Variants in PTPRD observed in about 807,000 individuals in gnomAD.
PTPRD encodes protein tyrosine phosphatase receptor type D.
In PTPRD, 34 loss-of-function variants were observed where a neutral mutation model predicts 214.5. That is an observed-to-expected ratio of 0.16 (90% confidence interval 0.12 to 0.21). PTPRD has a LOEUF of 0.21. Ranked by LOEUF, PTPRD falls within the 10% of genes least tolerant of loss-of-function variation. PTPRD has a pLI of 1.00. For missense variants in PTPRD, 2,545 were observed against 2,398.7 expected, an observed-to-expected ratio of 1.06 and a Z score of -1.27; for synonymous variants, 1,128 against 845.7, an observed-to-expected ratio of 1.33 and a Z score of -5.79.
chr9:9,058,335 T>A (rs918172312), intron 10 of PTPRD, among the ~76,000 whole-genome samples: 12 of 151,916 alleles, frequency 7.9e-5, no homozygotes, highest in African/African-American at 2.9e-4. Flanking sequence ...TTGCTTCTGA[T>A]TTGTGTGAAT....
chr9:8,585,043 G>C (rs114583348), intron 14 of PTPRD, among the ~76,000 whole-genome samples: 1 of 152,110 alleles, frequency 6.6e-6, no homozygotes, highest in African/African-American at 2.4e-5. Context: ...GTGGGGATTA[G>C]GGGAACTACA....
intron 12 of PTPRD, among the ~76,000 whole-genome samples, chr9:8,643,354 G>C (rs1369773779): frequency 6.6e-6 from 1 of 152,016 alleles, no homozygotes; most frequent in East Asian, 1.9e-4. Flanking sequence ...GGAAGGGAGG[G>C]AGGGAAGGAA....
chr9:9,902,354 C>G (rs1466133524), intron 5 of PTPRD, among the ~76,000 whole-genome samples: 1 of 151,982 alleles, frequency 6.6e-6, no homozygotes, highest in Non-Finnish European at 1.5e-5. Flanking sequence ...TTTTAGTTTC[C>G]CATACCATTA....
At chr9:10,503,202 A>AAAAC (rs2044430859) in intron 2 of PTPRD, among the ~76,000 whole-genome samples, 2 of 133,050 alleles carry the variant, frequency 1.5e-5, no homozygotes, top group African/African-American at 6.8e-5. Flanking sequence ...ACAAAAAAAA[A>AAAAC]AAAAACAAAA....
chr9:10,234,331 C>T (rs1028473228), intron 3 of PTPRD, among the ~76,000 whole-genome samples: 33 of 151,788 alleles, frequency 2.2e-4, no homozygotes, highest in Admixed American at 6.6e-4. Context: ...CAGAGATCTG[C>T]GGAACACATA....
At chr9:9,935,333 CGT>C (rs2088785257) in intron 5 of PTPRD, among the ~76,000 whole-genome samples, 3 of 152,162 alleles carry the variant, frequency 2.0e-5, no homozygotes, top group African/African-American at 2.4e-5. Flanking sequence ...ACCCCATCAT[CGT>C]CTCAGCCCAA....
chr9:8,344,355 C>T (rs1297728338), intron 39 of PTPRD, among the ~76,000 whole-genome samples: 1 of 151,908 alleles, frequency 6.6e-6, no homozygotes, highest in Admixed American at 6.6e-5. Context: ...CTGGATGATG[C>T]ATGGTTCTAT....
At chr9:10,542,877 C>T (rs931112108) in intron 2 of PTPRD, among the ~76,000 whole-genome samples, 4 of 151,470 alleles carry the variant, frequency 2.6e-5, no homozygotes, top group Non-Finnish European at 5.9e-5. Context: ...CACTACCACG[C>T]CAGGCTAATT....
intron 8 of PTPRD, among the ~76,000 whole-genome samples, chr9:9,446,704 G>T (rs781642285): frequency 6.6e-6 from 1 of 152,192 alleles, no homozygotes; most frequent in Middle Eastern, 3.4e-3. Flanking sequence ...ACAGCAAAAG[G>T]AATGGTCAAT....
At chr9:9,740,563 G>A (rs1288873516) in intron 6 of PTPRD, among the ~76,000 whole-genome samples, 1 of 151,842 alleles carries the variant, frequency 6.6e-6, no homozygotes, top group Non-Finnish European at 1.5e-5. Context: ...GGGTTTCACC[G>A]TGTTAGCCAG....
At chr9:10,239,181 A>G (rs2890914) in intron 3 of PTPRD, among the ~76,000 whole-genome samples, 64,762 of 151,516 alleles carry the variant, frequency 0.43, 14,874 homozygotes, top group East Asian at 0.61. Flanking sequence ...TCTTAGAGAG[A>G]CTTTCCTTTA....
intron 3 of PTPRD, among the ~76,000 whole-genome samples, chr9:10,125,516 G>A (rs376228712): frequency 1.1e-4 from 16 of 148,940 alleles, no homozygotes; most frequent in East Asian, 4.0e-4. Flanking sequence ...GTGCAGTGGC[G>A]CAATCTCGGC....
chr9:9,939,317 G>C (rs1032944109), intron 4 of PTPRD, among the ~76,000 whole-genome samples: 8 of 152,136 alleles, frequency 5.3e-5, no homozygotes, highest in African/African-American at 1.9e-4. Context: ...TTTTAGCCTT[G>C]CTCCAGTTTG....
At chr9:9,185,514 T>C (rs1177639370) in intron 9 of PTPRD, among the ~76,000 whole-genome samples, 2 of 152,060 alleles carry the variant, frequency 1.3e-5, no homozygotes, top group Non-Finnish European at 2.9e-5. Context: ...GAAGTCAACT[T>C]TCCGAGATTT....
intron 8 of PTPRD, among the ~76,000 whole-genome samples, chr9:9,517,393 G>C (rs672211): frequency 0.25 from 38,525 of 152,022 alleles, 5,922 homozygotes; most frequent in Non-Finnish European, 0.33. Context: ...ATGTGACATA[G>C]ATATACTAAG....
chr9:9,768,422 A>G (rs2098723823), intron 5 of PTPRD, among the ~76,000 whole-genome samples: 1 of 152,210 alleles, frequency 6.6e-6, no homozygotes, highest in African/African-American at 2.4e-5. Flanking sequence ...TTCATAAATG[A>G]TATTTCTACT....
chr9:10,103,395 T>TATATATATATATATATATATGTA lies in PTPRD; in HGVS notation c.-544-69606_-544-69605insTACATATATATATATATATATAT, dbSNP rs34926923. Among the ~76,000 whole-genome samples, 307 of 116,640 alleles carry TATATATATATATATATATATGTA rather than the reference T, an allele frequency of 2.6e-3. 6 individuals are homozygous for TATATATATATATATATATATGTA. Among genetic ancestry groups the TATATATATATATATATATATGTA allele is most frequent in the Admixed American group, 5.4e-3 (56 of 10,332 alleles). The allele number at this position is 116,640 out of a possible 152,430, so 76.5% of individuals were successfully genotyped here. On this transcript the variant is annotated intron_variant, in intron 3 of 45. Coordinates refer to ENST00000381196, the MANE Select transcript of PTPRD (RefSeq NM_002839.4). The stretch of plus-strand genomic sequence containing the variant: ...CTGCATATTATATATATATATATAT[T>TATATATATATATATATATATGTA]TATTTAAGAGCATTGCAGTAAGAAA...
intron 12 of PTPRD, among the ~76,000 whole-genome samples, chr9:8,658,946 C>A (rs2154352352): frequency 6.6e-6 from 1 of 152,242 alleles, no homozygotes; most frequent in Admixed American, 6.5e-5. Flanking sequence ...AGCTTTAGTG[C>A]CAATTTTTAC....
chr9:9,642,393 T>A (rs2095995939), intron 7 of PTPRD, among the ~76,000 whole-genome samples: 1 of 151,628 alleles, frequency 6.6e-6, no homozygotes, highest in African/African-American at 2.4e-5. Context: ...TGTGCACATG[T>A]ACCCTAAAAC....
Sources: gnomAD v4.1 joint callset for allele counts (sites outside exome capture counted in the v4.1 genomes callset) on GRCh38, gnomAD v4.1.1 for gene constraint, MANE v1.5 for transcripts, NCBI Gene and HGNC (gene_info 2026-07-23, HGNC 2026-07-21) for gene names.